Variants in PPFIA2 observed in about 807,000 individuals in gnomAD.
PPFIA2 encodes the protein PPFI scaffold protein A2.
PPFIA2 carries 46 observed loss-of-function variants against 175.5 expected under a neutral mutation model. That is an observed-to-expected ratio of 0.26 (90% CI 0.21 to 0.34). PPFIA2 has a LOEUF of 0.34. PPFIA2 is among the 10% of genes least tolerant of loss of function. The pLI, the probability that PPFIA2 is intolerant of heterozygous loss-of-function variation, is 1.00. For synonymous variants in PPFIA2, 568 were observed against 511.4 expected, an observed-to-expected ratio of 1.11 and a Z score of -1.49; for missense variants, 1,179 against 1,506.1, an observed-to-expected ratio of 0.78 and a Z score of 3.60.
chr12:81,598,399 T>G lies in PPFIA2; in HGVS notation c.303+78392A>C, dbSNP rs532138648. 1.2e-5 allele frequency: 13 copies of G among 1,050,950 alleles called. No homozygotes were observed. The African/African-American group carries it at 2.0e-4, about 16-fold the overall frequency. The allele number at this position is 1,050,950 out of a possible 1,614,324, so 65.1% of individuals were successfully genotyped here. ...TGATAATCACCTCCCTCCACCACAG[T>G]CTAGCAGAGTGATTATGCTAAATAT... On this transcript the variant is annotated intron_variant, in intron 4 of 32. Coordinates refer to ENST00000549396, the MANE Select transcript of PPFIA2 (RefSeq NM_003625.5).
chr12:81,628,894 C>T (rs2063038236), intron 4 of PPFIA2, among the ~76,000 whole-genome samples: 2 of 152,110 alleles, frequency 1.3e-5, no homozygotes, highest in South Asian at 4.1e-4. Context: ...GATCCAATTG[C>T]ACATAAGGCC....
chr12:81,347,874 A>C, intron 17 of PPFIA2, 104 bp from the exon 18 acceptor site: 4 of 1,421,698 alleles, frequency 2.8e-6, no homozygotes, highest in Non-Finnish European at 3.7e-6. Context: ...AGTAGAAACT[A>C]TTCTTGAACA....
chr12:81,739,609 C>T (rs918573646), intron 3 of PPFIA2, among the ~76,000 whole-genome samples: 17 of 151,912 alleles, frequency 1.1e-4, no homozygotes, highest in African/African-American at 3.4e-4. Context: ...AATCTATTAT[C>T]GATCAGCAAC....
At chr12:81,416,193 A>G (rs978010446) in intron 7 of PPFIA2, among the ~76,000 whole-genome samples, 1 of 151,640 alleles carries the variant, frequency 6.6e-6, no homozygotes, top group Non-Finnish European at 1.5e-5. Context: ...AAAGTGAAAG[A>G]ATTAATCCAG....
In PPFIA2 at chr12:81,384,081, C is replaced by A; in HGVS notation, c.926G>T (p.Arg309Ile). ...GEVEQEAETA[R>I]KDLIKTEEMN... ...TTCTTCTGTTTTAATGAGATCCTTTCTTGCTGTCTCTGCTTCCTGTTCCAC... is the reference window on the plus strand; with the variant it reads ...TTCTTCTGTTTTAATGAGATCCTTTATTGCTGTCTCTGCTTCCTGTTCCAC... Residue 309 changes from arginine to isoleucine, a missense_variant, in exon 9 of 33, where the codon AGA (arginine) becomes ATA (isoleucine). Transcript: ENST00000549396. 6.2e-7 allele frequency: 1 copy of A among 1,613,292 alleles called. No homozygotes were observed.
chr12:81,332,393 T>C (rs964188222), intron 21 of PPFIA2, among the ~76,000 whole-genome samples: 1 of 152,106 alleles, frequency 6.6e-6, no homozygotes, highest in African/African-American at 2.4e-5. Flanking sequence ...ATAGTTTCAA[T>C]ACCCTTTTCT....
chr12:81,512,174 G>T, intron 4 of PPFIA2: 1 of 451,660 alleles, frequency 2.2e-6, no homozygotes, highest in Non-Finnish European at 3.8e-6. Flanking sequence ...CTAACAATGT[G>T]TTTAATACTT....
At chr12:81,660,621 C>T (rs567557141) in intron 4 of PPFIA2, among the ~76,000 whole-genome samples, 1 of 152,170 alleles carries the variant, frequency 6.6e-6, no homozygotes, top group African/African-American at 2.4e-5. Flanking sequence ...GGAAAACACT[C>T]TGCAGGATAT....
rs549565204 is a variant in PPFIA2, at chr12:81,412,807, A to G, written c.646-6904T>C. On this transcript the variant is annotated intron_variant, in intron 7 of 32. Coordinates refer to ENST00000549396, the MANE Select transcript of PPFIA2 (RefSeq NM_003625.5). ...TAGTCAAATTTGATGTACATTAAAC[A>G]CTTGCTATGTAATGACAATGACAAT... is the stretch of plus-strand genomic sequence containing the variant. Among the ~76,000 whole-genome samples the G allele has an allele frequency of 3.9e-5, 6 of 151,936 alleles. No homozygotes were observed. The East Asian group carries it at 1.2e-3, about 29-fold the overall frequency.
intron 4 of PPFIA2, among the ~76,000 whole-genome samples, chr12:81,551,949 A>C (rs1449585571): frequency 6.6e-6 from 1 of 151,846 alleles, no homozygotes; most frequent in East Asian, 1.9e-4. Context: ...TTTTAAATTA[A>C]ATGCCTATAC....
At chr12:81,447,020 C>T (rs1031634414) in intron 5 of PPFIA2, among the ~76,000 whole-genome samples, 3 of 151,966 alleles carry the variant, frequency 2.0e-5, no homozygotes, top group Non-Finnish European at 2.9e-5. Context: ...AACTAATCGC[C>T]GGGCACAGTG....
intron 3 of PPFIA2, among the ~76,000 whole-genome samples, chr12:81,694,747 C>T (rs1018686274): frequency 6.6e-6 from 1 of 152,134 alleles, no homozygotes; most frequent in Non-Finnish European, 1.5e-5. Flanking sequence ...ACTGTAGATC[C>T]ACCAGCAGCT....
At chr12:81,729,587 C>A (rs1294672914) in intron 3 of PPFIA2, among the ~76,000 whole-genome samples, 2 of 151,474 alleles carry the variant, frequency 1.3e-5, no homozygotes, top group East Asian at 3.9e-4. Flanking sequence ...TCTGTGGAAC[C>A]TGTGAATATG....
intron 4 of PPFIA2, among the ~76,000 whole-genome samples, chr12:81,544,190 A>G (rs1395015158): frequency 6.6e-6 from 1 of 152,106 alleles, no homozygotes; most frequent in African/African-American, 2.4e-5. Flanking sequence ...TATCTTCACA[A>G]TTTTTCTGTA....
At chr12:81,724,209 A>G (rs2079724626) in intron 3 of PPFIA2, among the ~76,000 whole-genome samples, 1 of 151,010 alleles carries the variant, frequency 6.6e-6, no homozygotes, top group Middle Eastern at 3.2e-3. Flanking sequence ...ATCGTTCTAC[A>G]TAAAGTTTCC....
chr12:81,405,996 G>T, intron 7 of PPFIA2, 93 bp from the exon 8 acceptor site: 1 of 628,982 alleles, frequency 1.6e-6, no homozygotes. Flanking sequence ...AAGAACTAAT[G>T]AACACTAACA....
At chr12:81,289,220 T>C (rs2044264424) in intron 24 of PPFIA2, among the ~76,000 whole-genome samples, 2 of 151,834 alleles carry the variant, frequency 1.3e-5, no homozygotes, top group South Asian at 4.1e-4. Flanking sequence ...ACTGTAATTA[T>C]ATTAGATATT....
intron 5 of PPFIA2, among the ~76,000 whole-genome samples, chr12:81,452,458 T>A (rs2052764355): frequency 6.6e-6 from 1 of 152,186 alleles, no homozygotes; most frequent in Non-Finnish European, 1.5e-5. Flanking sequence ...TACCCTCAAA[T>A]ATCGTTTAAA....
At chr12:81,401,953 A>C (rs906895616) in intron 8 of PPFIA2, among the ~76,000 whole-genome samples, 6 of 151,984 alleles carry the variant, frequency 3.9e-5, no homozygotes, top group Admixed American at 6.6e-5. Flanking sequence ...TTTTCTTTTT[A>C]TTTTTTCTTT....
Sources: gnomAD v4.1 joint callset for allele counts (sites outside exome capture counted in the v4.1 genomes callset) on GRCh38, gnomAD v4.1.1 for gene constraint, MANE v1.5 for transcripts, NCBI Gene and HGNC (gene_info 2026-07-23, HGNC 2026-07-21) for gene names.